VWC2L: variants seen among roughly 807,000 people sequenced by gnomAD.
VWC2L encodes the protein von Willebrand factor C domain-containing protein 2-like.
Under a neutral mutation model 21.6 loss-of-function variants are expected in VWC2L, and 10 were observed. The observed-to-expected ratio is 0.46, with a 90% CI of 0.29 to 0.78. The LOEUF (loss-of-function observed/expected upper bound fraction) is 0.78, where lower values mean the gene tolerates loss of function less well. Among genes scored for constraint, VWC2L ranks in the 30% least tolerant of loss-of-function variants. The pLI is 0.10. For missense variants in VWC2L, 209 were observed against 277.1 expected (o/e 0.75, Z 1.74); for synonymous variants, 96 against 94.3 (o/e 1.02, Z -0.10).
intron 3 of VWC2L, among the ~76,000 whole-genome samples, chr2:214,454,598 C>CTTTTTTTTTTTTTTTTT (rs34032234): frequency 1.4e-4 from 9 of 64,146 alleles, no homozygotes; most frequent in East Asian, 5.7e-4. Flanking sequence ...GATTGATTTT[C>CTTTTTTTTTTTTTTTTT]TTTTTTTTTT....
intron 3 of VWC2L, among the ~76,000 whole-genome samples, chr2:214,548,255 G>A (rs550698169): frequency 7.9e-5 from 12 of 152,032 alleles, no homozygotes; most frequent in Non-Finnish European, 1.5e-4. Flanking sequence ...TGGGTGTTCC[G>A]TCACTGCTTG....
chr2:214,546,879 C>A (rs1301956950), intron 3 of VWC2L, among the ~76,000 whole-genome samples: 1 of 152,060 alleles, frequency 6.6e-6, no homozygotes. Flanking sequence ...AAGGATGATA[C>A]CCTAATTTTA....
In VWC2L at chr2:214,564,533, C is replaced by A. The variant is rs545561810; in HGVS notation, c.521-11139C>A. Among the ~76,000 whole-genome samples the A allele has an allele frequency of 3.7e-4, 56 of 152,078 alleles. 2 individuals are homozygous for A. The East Asian group carries it at 9.1e-3, about 25-fold the overall frequency. On this transcript the variant is annotated intron_variant, in intron 3 of 3. Transcript: ENST00000312504. ...GGGCCACATTTCAAATTCTCCACAG[C>A]TACGCATGGTAGTGGCTACTGAATA...
chr2:214,573,611 C>T (rs995124125), intron 3 of VWC2L, among the ~76,000 whole-genome samples: 1 of 152,132 alleles, frequency 6.6e-6, no homozygotes, highest in African/African-American at 2.4e-5. Flanking sequence ...CTGTCAACAA[C>T]GGCCCCAGGA....
chr2:214,508,397 T>C (rs1202867833), intron 3 of VWC2L, among the ~76,000 whole-genome samples: 1 of 152,226 alleles, frequency 6.6e-6, no homozygotes, highest in Non-Finnish European at 1.5e-5. Context: ...TCATCCCACA[T>C]TTTCCCTGTC....
At chr2:214,483,739 G>C (rs1409512798) in intron 3 of VWC2L, among the ~76,000 whole-genome samples, 1 of 152,148 alleles carries the variant, frequency 6.6e-6, no homozygotes, top group African/African-American at 2.4e-5. Context: ...ATTCACGTTT[G>C]AGAATGAGAC....
At chr2:214,463,961 G>T (rs967257223) in intron 3 of VWC2L, among the ~76,000 whole-genome samples, 20 of 152,072 alleles carry the variant, frequency 1.3e-4, no homozygotes, top group Middle Eastern at 3.4e-3. Context: ...CAATATGTCA[G>T]TTGAATTTTT....
At chr2:214,497,276 T>A (rs1688825866) in intron 3 of VWC2L, among the ~76,000 whole-genome samples, 1 of 152,124 alleles carries the variant, frequency 6.6e-6, no homozygotes, top group African/African-American at 2.4e-5. Context: ...GGTCAATGAG[T>A]GTAGATGGTG....
intron 3 of VWC2L, among the ~76,000 whole-genome samples, chr2:214,519,580 C>G (rs1689199401): frequency 6.6e-6 from 1 of 152,156 alleles, no homozygotes; most frequent in African/African-American, 2.4e-5. Flanking sequence ...TAAAAGAAAA[C>G]AGGAACTGGC....
At chr2:214,560,046 T>C (rs1484549058) in intron 3 of VWC2L, among the ~76,000 whole-genome samples, 1 of 152,244 alleles carries the variant, frequency 6.6e-6, no homozygotes, top group Non-Finnish European at 1.5e-5. Context: ...TATCATGTTA[T>C]TATGATTTAA....
intron 3 of VWC2L, among the ~76,000 whole-genome samples, chr2:214,569,808 G>A (rs1035470001): frequency 6.6e-6 from 1 of 152,040 alleles, no homozygotes; most frequent in Non-Finnish European, 1.5e-5. Flanking sequence ...CTCTCCTTTA[G>A]AGCACTTACT....
In VWC2L at chr2:214,478,253, C is replaced by T. The variant is rs750056445; in HGVS notation, c.520+41495C>T. Among the ~76,000 whole-genome samples the T allele has an allele frequency of 9.2e-4, 140 of 152,000 alleles. 1 individual carries two copies. Among genetic ancestry groups the T allele is most frequent in the African/African-American group, 2.9e-4 (12 of 41,384 alleles). On this transcript the variant is annotated intron_variant, in intron 3 of 3. Coordinates refer to ENST00000312504, the MANE Select transcript of VWC2L (RefSeq NM_001080500.4). ...ATATCTGTTGGGAGGCCGAGGCAGG[C>T]GGATCACCTGAGGTCAGGAGTTCAA...
intron 3 of VWC2L, among the ~76,000 whole-genome samples, chr2:214,565,033 C>T (rs1182324441): frequency 6.6e-6 from 1 of 152,056 alleles, no homozygotes; most frequent in Non-Finnish European, 1.5e-5. Context: ...TCCTATTATA[C>T]CCACTTATCT....
At chr2:214,483,833 G>A (rs35286978) in intron 3 of VWC2L, among the ~76,000 whole-genome samples, 55,321 of 151,998 alleles carry the variant, frequency 0.36, 11,885 homozygotes, top group South Asian at 0.57. Context: ...TGAAGCAGAA[G>A]GGATTGGATT....
intron 3 of VWC2L, among the ~76,000 whole-genome samples, chr2:214,554,585 C>G (rs1209673189): frequency 6.6e-6 from 1 of 152,142 alleles, no homozygotes; most frequent in African/African-American, 2.4e-5. Context: ...ATCGCTTGAA[C>G]CCAGGAGGCA....
In VWC2L at chr2:214,456,759, T is replaced by G. The variant is rs569372769; in HGVS notation, c.520+20001T>G. Among the ~76,000 whole-genome samples, 98 of 152,170 alleles carry G rather than the reference T, an allele frequency of 6.4e-4. 1 individual carries two copies. The South Asian group carries it at 7.3e-3, about 11-fold the overall frequency. ...CATTTTGAGTTGATTTTTCATATGG[T>G]GAAAGACACTAGTTTTATTCTTTGC... is the stretch of plus-strand genomic sequence containing the variant. On this transcript the variant is annotated intron_variant, in intron 3 of 3. Coordinates refer to ENST00000312504, the MANE Select transcript of VWC2L (RefSeq NM_001080500.4).
At chr2:214,533,285 G>A (rs565112696) in intron 3 of VWC2L, among the ~76,000 whole-genome samples, 3 of 152,148 alleles carry the variant, frequency 2.0e-5, no homozygotes, top group East Asian at 1.9e-4. Flanking sequence ...ATATATTAAA[G>A]CACTTTAGCT....
chr2:214,518,165 CAA>C (rs34081032), intron 3 of VWC2L, among the ~76,000 whole-genome samples: 147 of 144,228 alleles, frequency 1.0e-3, no homozygotes, highest in South Asian at 1.3e-3. Flanking sequence ...GACTCTGTCT[CAA>C]AAAAAAAAAA....
chr2:214,442,856 C>A (rs547860488), intron 3 of VWC2L, among the ~76,000 whole-genome samples: 25 of 151,904 alleles, frequency 1.6e-4, no homozygotes, highest in Non-Finnish European at 3.5e-4. Context: ...AATAAAATAC[C>A]ATTACAAAAT....
Sources: allele counts gnomAD v4.1 joint callset (sites outside exome capture counted in the v4.1 genomes callset), GRCh38; gene constraint gnomAD v4.1.1; transcripts MANE v1.5; gene names NCBI Gene and HGNC (gene_info 2026-07-23, HGNC 2026-07-21).